FNBP1: variants seen among roughly 807,000 people sequenced by gnomAD.
FNBP1 encodes formin-binding protein 1.
In FNBP1, 26 loss-of-function variants were observed where a neutral mutation model predicts 90.6. The ratio of observed to expected loss-of-function variants is 0.29; its 90% CI spans 0.21 to 0.40. FNBP1 has a LOEUF of 0.40. Among genes scored for constraint, FNBP1 ranks in the 10% least tolerant of loss-of-function variants. The probability of loss-of-function intolerance (pLI) is 1.00; values close to 1 mark genes in which losing one functional copy is unlikely to be tolerated. For missense variants in FNBP1, 635 were observed against 768.0 expected, an observed-to-expected ratio of 0.83 and a Z score of 2.05; for synonymous variants, 260 against 265.2, an observed-to-expected ratio of 0.98 and a Z score of 0.19.
chr9:129,949,217 A>G (rs1021041216), intron 6 of FNBP1, among the ~76,000 whole-genome samples: 3 of 152,156 alleles, frequency 2.0e-5, no homozygotes, highest in Admixed American at 1.3e-4. Context: ...TCAAAACTCT[A>G]TGACAGCTGC....
intron 6 of FNBP1, among the ~76,000 whole-genome samples, chr9:129,952,612 C>T (rs1019503018): frequency 6.6e-6 from 1 of 152,108 alleles, no homozygotes; most frequent in Non-Finnish European, 1.5e-5. Context: ...ATCTGCCAGG[C>T]AATGTTAACT....
chr9:129,941,540 G>A lies in FNBP1; in HGVS notation c.514-11845C>T, dbSNP rs114537805. On this transcript the variant is annotated intron_variant, in intron 6 of 16. Transcript: ENST00000446176. ...GAGTGCAGTGGTATGATCACAGCCC[G>A]CTGCAGCCTCAACTTCCCAGGCTCA... Among the ~76,000 whole-genome samples the A allele has an allele frequency of 9.5e-3, 1,448 of 152,192 alleles. 22 individuals carry two copies. Among genetic ancestry groups the A allele is most frequent in the African/African-American group, 0.033 (1,363 of 41,550 alleles).
chr9:129,929,824 G>A (rs1245728216), intron 6 of FNBP1, 129 bp from the exon 7 acceptor site: 4 of 800,060 alleles, frequency 5.0e-6, no homozygotes, highest in Non-Finnish European at 5.9e-6. Context: ...GTATTCCGCG[G>A]GTGCTTTTTA....
At chr9:129,920,629 T>C (rs548596129) in intron 10 of FNBP1, among the ~76,000 whole-genome samples, 24 of 152,322 alleles carry the variant, frequency 1.6e-4, no homozygotes, top group African/African-American at 5.1e-4. Context: ...TTTTCTTACA[T>C]TTATTGATTA....
chr9:129,889,582 A>G lies in FNBP1; in HGVS notation c.*957T>C. On this transcript the variant is annotated 3_prime_UTR_variant, in exon 17 of 17. Coordinates refer to ENST00000446176, the MANE Select transcript of FNBP1 (RefSeq NM_015033.3). ...GAGACTCCCGTCTCAAAAAAAAAAA[A>G]AAAACAACAACAAAAAAGGAAGTGC... The G allele has an allele frequency of 4.7e-6, 1 of 214,244 alleles. No homozygotes were observed. The highest frequency in any genetic ancestry group is 1.8e-4 in the South Asian group (1 of 5,406). The allele number at this position is 214,244 out of a possible 1,614,324, so 13.3% of individuals were successfully genotyped here. A position where few individuals can be genotyped will look rare whatever the true frequency, so the allele number is the denominator to read the frequency against.
At chr9:130,032,895 A>T (rs1330507483) in intron 1 of FNBP1, among the ~76,000 whole-genome samples, 1 of 152,204 alleles carries the variant, frequency 6.6e-6, no homozygotes, top group Non-Finnish European at 1.5e-5. Flanking sequence ...AAAGATAAAC[A>T]TGCTATTAAT....
intron 10 of FNBP1, among the ~76,000 whole-genome samples, chr9:129,920,920 T>C (rs1220339425): frequency 6.6e-6 from 1 of 152,226 alleles, no homozygotes; most frequent in African/African-American, 2.4e-5. Context: ...TTGGAAATTC[T>C]TGGATTAACA....
intron 12 of FNBP1, among the ~76,000 whole-genome samples, chr9:129,907,689 C>G (rs1026644891): frequency 6.6e-6 from 1 of 151,888 alleles, no homozygotes; most frequent in African/African-American, 2.4e-5. Context: ...AGAGGCCCTC[C>G]TCCTCTATGG....
chr9:129,976,351 A>G (rs747566748), intron 4 of FNBP1, among the ~76,000 whole-genome samples: 2 of 152,192 alleles, frequency 1.3e-5, no homozygotes, highest in Non-Finnish European at 2.9e-5. Context: ...CCAGACACTG[A>G]TAAATGTGGC....
At chr9:129,984,734 G>C (rs773601114) in intron 2 of FNBP1, among the ~76,000 whole-genome samples, 3 of 151,976 alleles carry the variant, frequency 2.0e-5, no homozygotes, top group Non-Finnish European at 2.9e-5. Flanking sequence ...TTGAATCATG[G>C]GGGGGGCCGG....
chr9:129,914,540 C>A lies in FNBP1; in HGVS notation c.1185+1426G>T, dbSNP rs577351593. ...GCCTCCTAGTCAATAGATCCAGTTTCTCCCAAGTTCATACTGCAGATGAAC... is the reference window on the plus strand; with the variant it reads ...GCCTCCTAGTCAATAGATCCAGTTTATCCCAAGTTCATACTGCAGATGAAC... On this transcript the variant is annotated intron_variant, in intron 11 of 16. Coordinates refer to ENST00000446176, the MANE Select transcript of FNBP1 (RefSeq NM_015033.3). Among the ~76,000 whole-genome samples, 6 of 151,956 alleles carry A rather than the reference C, an allele frequency of 3.9e-5. No homozygotes were observed. The East Asian group carries it at 1.2e-3, about 29-fold the overall frequency.
chr9:129,969,828 A>G (rs2049168929), intron 4 of FNBP1, among the ~76,000 whole-genome samples: 1 of 151,904 alleles, frequency 6.6e-6, no homozygotes, highest in South Asian at 2.1e-4. Context: ...AATGCTTACA[A>G]TATTAAATGG....
At chr9:130,001,688 C>G (rs7044811) in intron 1 of FNBP1, among the ~76,000 whole-genome samples, 127,151 of 151,224 alleles carry the variant, frequency 0.84, 53,885 homozygotes, top group East Asian at 0.89. Flanking sequence ...TCGAGACCAG[C>G]CTGGCCAACA....
chr9:129,967,991 T>G (rs550725372), intron 4 of FNBP1, among the ~76,000 whole-genome samples: 6 of 152,166 alleles, frequency 3.9e-5, no homozygotes, highest in African/African-American at 1.4e-4. Context: ...ACTTTTTTTT[T>G]TTTTTTGGCG....
intron 6 of FNBP1, among the ~76,000 whole-genome samples, chr9:129,933,097 C>T (rs938297607): frequency 1.8e-4 from 27 of 152,116 alleles, no homozygotes; most frequent in African/African-American, 5.3e-4. Flanking sequence ...ACAGCAAGAG[C>T]TCAGGAGGTA....
At chr9:130,038,921 A>C (rs2059588536) in intron 1 of FNBP1, among the ~76,000 whole-genome samples, 1 of 152,210 alleles carries the variant, frequency 6.6e-6, no homozygotes, top group South Asian at 2.1e-4. Context: ...TTCATACTTC[A>C]CACTAATAAG....
intron 1 of FNBP1, among the ~76,000 whole-genome samples, chr9:130,021,019 G>A (rs559128980): frequency 5.3e-5 from 8 of 152,188 alleles, no homozygotes; most frequent in Admixed American, 2.0e-4. Flanking sequence ...CTTGGTTGGT[G>A]AAAAACAGAA....
chr9:129,912,560 C>T (rs1004660106), intron 11 of FNBP1, among the ~76,000 whole-genome samples: 3 of 152,008 alleles, frequency 2.0e-5, no homozygotes, highest in Admixed American at 6.6e-5. Context: ...TGGTGGCGCC[C>T]GTCTGTAATC....
intron 2 of FNBP1, among the ~76,000 whole-genome samples, chr9:129,986,513 C>T (rs1440171000): frequency 2.6e-5 from 4 of 152,042 alleles, no homozygotes; most frequent in Admixed American, 6.6e-5. Context: ...AAAGATAGGC[C>T]GGGCGTGGTG....
Sources: gnomAD v4.1 joint callset for allele counts (sites outside exome capture counted in the v4.1 genomes callset) on GRCh38, gnomAD v4.1.1 for gene constraint, MANE v1.5 for transcripts, NCBI Gene and HGNC (gene_info 2026-07-23, HGNC 2026-07-21) for gene names.